TFEC: variants seen among roughly 807,000 people sequenced by gnomAD.
The protein encoded by TFEC is class E basic helix-loop-helix protein 34.
Under a neutral mutation model 41.6 loss-of-function variants are expected in TFEC, and 31 were observed. That is an observed-to-expected ratio of 0.74 (90% CI 0.56 to 1.01). The LOEUF (loss-of-function observed/expected upper bound fraction) is 1.01. Ranked by LOEUF, TFEC falls within the 50% of genes least tolerant of loss-of-function variation. The pLI, the probability that TFEC is intolerant of heterozygous loss-of-function variation, is 0.00. For missense variants in TFEC, 402 were observed against 404.1 expected, an observed-to-expected ratio of 0.99 and a Z score of 0.04; for synonymous variants, 143 against 140.6, an observed-to-expected ratio of 1.02 and a Z score of -0.12.
chr7:116,102,340 C>T (rs1046567648), intron 3 of TFEC, among the ~76,000 whole-genome samples: 31 of 152,248 alleles, frequency 2.0e-4, no homozygotes, highest in African/African-American at 7.2e-4. Context: ...GAAGAGCTTT[C>T]ATTGGTGTGT....
chr7:116,005,835 TGGGCCA>T, intron 1 of TFEC, among the ~76,000 whole-genome samples: 2 of 152,342 alleles, frequency 1.3e-5, no homozygotes, highest in South Asian at 4.1e-4. Context: ...AATGGTTTCC[TGGGCCA>T]GTCCCAGGGT....
At chr7:115,995,750 G>A (rs146184417) in intron 1 of TFEC, among the ~76,000 whole-genome samples, 263 of 152,232 alleles carry the variant, frequency 1.7e-3, no homozygotes, top group African/African-American at 6.0e-3. Flanking sequence ...GACACGGCTC[G>A]GAGAGAGTAT....
intron 3 of TFEC, among the ~76,000 whole-genome samples, chr7:116,045,133 AT>A (rs534960228): frequency 1.1e-4 from 17 of 152,220 alleles, no homozygotes; most frequent in Non-Finnish European, 2.5e-4. Flanking sequence ...AGACAGGAAA[AT>A]ATGGGAAAGT....
chr7:116,062,768 G>A (rs1248230320), intron 3 of TFEC, among the ~76,000 whole-genome samples: 2 of 151,848 alleles, frequency 1.3e-5, no homozygotes, highest in Non-Finnish European at 2.9e-5. Flanking sequence ...AATGATAAAT[G>A]TACTTTTAGT....
At chr7:116,117,580 C>G (rs1459787807) in intron 1 of TFEC, 5 of 151,756 alleles carry the variant, frequency 3.3e-5, no homozygotes, top group Admixed American at 3.3e-4. Context: ...AAAATTAAAA[C>G]AGGGACGTGG....
intron 5 of TFEC, among the ~76,000 whole-genome samples, chr7:115,951,945 C>G (rs11769932): frequency 0.023 from 3,496 of 151,978 alleles, 53 homozygotes; most frequent in Non-Finnish European, 0.036. Flanking sequence ...TACATGGTAT[C>G]TTTTTCAACA....
At chr7:116,024,459 A>G (rs1795512487) in intron 1 of TFEC, among the ~76,000 whole-genome samples, 1 of 152,174 alleles carries the variant, frequency 6.6e-6, no homozygotes, top group African/African-American at 2.4e-5. Flanking sequence ...TCACCTTGGG[A>G]AATTTACCTA....
chr7:116,065,035 T>C (rs1004465927), intron 3 of TFEC, among the ~76,000 whole-genome samples: 10 of 152,146 alleles, frequency 6.6e-5, no homozygotes, highest in Admixed American at 1.3e-4. Context: ...GGAGGATGAA[T>C]TGAACACAAG....
intron 3 of TFEC, among the ~76,000 whole-genome samples, chr7:116,099,176 C>T (rs928153312): frequency 6.6e-6 from 1 of 152,064 alleles, no homozygotes; most frequent in African/African-American, 2.4e-5. Flanking sequence ...TACAAAGAAT[C>T]GGTATCAAAA....
intron 2 of TFEC, 140 bp downstream of exon 2, chr7:115,984,122 G>T: frequency 1.9e-6 from 2 of 1,076,142 alleles, no homozygotes; most frequent in South Asian, 3.5e-5. Context: ...TTAATAAATA[G>T]AGAATAATTA....
At chr7:116,116,625 C>A (rs1054996473) in intron 1 of TFEC, among the ~76,000 whole-genome samples, 2 of 151,876 alleles carry the variant, frequency 1.3e-5, no homozygotes, top group Admixed American at 6.6e-5. Context: ...CATTTACTGA[C>A]CATCTTCAGT....
At chr7:116,158,125 T>C (rs576857996) in intron 1 of TFEC, among the ~76,000 whole-genome samples, 1 of 152,160 alleles carries the variant, frequency 6.6e-6, no homozygotes, top group Non-Finnish European at 1.5e-5. Context: ...CCTTAAAAAC[T>C]GAATAACTAC....
In TFEC at chr7:115,935,358, A is replaced by G. The variant is rs903951400; in HGVS notation, c.*5193T>C. 3 of 152,100 alleles carry G rather than the reference A, an allele frequency of 2.0e-5. No homozygotes were observed. The highest frequency in any genetic ancestry group is 4.4e-5 in the Non-Finnish European group (3 of 67,630). 9.4% of individuals were successfully genotyped at this position (152,100 alleles called of 1,614,324 possible). On this transcript the variant is annotated 3_prime_UTR_variant, in exon 8 of 8. Transcript: ENST00000265440. ...TTATTAACAATGTTTTCTTGATCTAACCAATGTCAGATTAAAATTATAGGA... is the reference window on the plus strand; with the variant it reads ...TTATTAACAATGTTTTCTTGATCTAGCCAATGTCAGATTAAAATTATAGGA...
At chr7:115,986,559 T>C (rs1217728905) in intron 1 of TFEC, among the ~76,000 whole-genome samples, 1 of 151,898 alleles carries the variant, frequency 6.6e-6, no homozygotes, top group Non-Finnish European at 1.5e-5. Context: ...GAGAAAGTGA[T>C]TTTAAGTCAG....
intron 2 of TFEC, among the ~76,000 whole-genome samples, chr7:115,975,736 G>T (rs568365604): frequency 6.6e-6 from 1 of 152,224 alleles, no homozygotes; most frequent in East Asian, 1.9e-4. Context: ...ATTTTATAAA[G>T]TGCATCAGAG....
chr7:116,024,791 TCTC>T (rs1385242692), intron 1 of TFEC, among the ~76,000 whole-genome samples: 1 of 150,246 alleles, frequency 6.7e-6, no homozygotes, highest in African/African-American at 2.5e-5. Flanking sequence ...ATTATTTCCA[TCTC>T]CTATCATATT....
chr7:115,980,133 T>C (rs1793561634), intron 2 of TFEC, among the ~76,000 whole-genome samples: 2 of 152,188 alleles, frequency 1.3e-5, no homozygotes, highest in African/African-American at 4.8e-5. Context: ...AATGCATTTT[T>C]CTCAGCTTCA....
chr7:116,053,023 G>T (rs1796349568), intron 3 of TFEC, among the ~76,000 whole-genome samples: 3 of 151,952 alleles, frequency 2.0e-5, no homozygotes, highest in Non-Finnish European at 2.9e-5. Flanking sequence ...AGTGAGCCAA[G>T]ATCTTGCCAC....
intron 1 of TFEC, among the ~76,000 whole-genome samples, chr7:115,990,785 G>A (rs1794073948): frequency 6.6e-6 from 1 of 152,174 alleles, no homozygotes; most frequent in Admixed American, 6.5e-5. Flanking sequence ...GGGGAGAATG[G>A]AACCAAGTTG....
Sources: gnomAD v4.1 joint callset for allele counts (sites outside exome capture counted in the v4.1 genomes callset) on GRCh38, gnomAD v4.1.1 for gene constraint, MANE v1.5 for transcripts, NCBI Gene and HGNC (gene_info 2026-07-23, HGNC 2026-07-21) for gene names.